PPP1R7: variants seen among roughly 807,000 people sequenced by gnomAD.
The protein encoded by PPP1R7 is protein phosphatase 1 regulatory subunit 7, also known as protein phosphatase 1 regulatory subunit 22.
In PPP1R7, 18 loss-of-function variants were observed where a neutral mutation model predicts 45.2. That is an observed-to-expected ratio of 0.40 (90% CI 0.28 to 0.59). PPP1R7 has a LOEUF of 0.59. PPP1R7 is among the 20% of genes least tolerant of loss of function. PPP1R7 has a pLI of 0.46. For synonymous variants in PPP1R7, 181 were observed against 183.4 expected (o/e 0.99, Z 0.11); for missense variants, 314 against 455.8 (o/e 0.69, Z 2.83).
At position 241,183,515 on chromosome 2, in the gene PPP1R7, G is replaced by T. The variant is rs1249615921; in HGVS notation, c.*692G>T. ...GTGTCCCACACGGTGCTGTGCTGCT[G>T]CCAGAATACGAGTCCCATTGAGCCT... is the stretch of plus-strand genomic sequence containing the variant. On this transcript the variant is annotated 3_prime_UTR_variant, in exon 10 of 10. Coordinates refer to ENST00000234038, the MANE Select transcript of PPP1R7 (RefSeq NM_002712.3). The T allele has an allele frequency of 2.2e-6, 1 of 463,754 alleles. No individual in the cohort carries two copies. Among genetic ancestry groups the T allele is most frequent in the Non-Finnish European group, 4.5e-6 (1 of 224,474 alleles). 28.7% of individuals were successfully genotyped at this position (463,754 alleles called of 1,614,324 possible). A position where few individuals can be genotyped will look rare whatever the true frequency, so the allele number is the denominator to read the frequency against.
chr2:241,172,204 T>G (rs1437981539), intron 9 of PPP1R7, among the ~76,000 whole-genome samples: 2 of 152,100 alleles, frequency 1.3e-5, no homozygotes, highest in African/African-American at 4.8e-5. Context: ...TTATTTGCTA[T>G]ACCTCTGTAT....
intron 8 of PPP1R7, 67 bp from the exon 9 acceptor site, chr2:241,169,714 C>A (rs2067781145): frequency 7.4e-7 from 1 of 1,346,084 alleles, no homozygotes; most frequent in South Asian, 1.2e-5. Flanking sequence ...TTGACACTGC[C>A]TGCGTGGTCA....
In PPP1R7 at chr2:241,166,330, C is replaced by T. The variant is rs538427735; in HGVS notation, c.715-7C>T. Reference sequence around the variant, plus strand: ...GTTCTGACAGCTGTGTGCTCTCCCTCTTGCAGAGCAACCGGCTGACCAAGA... The same window carrying T: ...GTTCTGACAGCTGTGTGCTCTCCCTTTTGCAGAGCAACCGGCTGACCAAGA... On this transcript the variant is annotated splice_polypyrimidine_tract_variant and splice_region_variant and intron_variant, in intron 7 of 9. Transcript: ENST00000234038. 2 of 1,612,158 alleles carry T rather than the reference C, an allele frequency of 1.2e-6. No individual in the cohort carries two copies. The highest frequency in any genetic ancestry group is 4.5e-5 in the East Asian group (2 of 44,870).
rs112009007 is a variant in PPP1R7 at position 241,162,971 on chromosome 2, G to A, written c.598-314G>A. ...CTGGGATTTCCACGCCCGACAGGGG[G>A]ACATTTTAATGTGTCAGCTCACAAA... On this transcript the variant is annotated intron_variant, in intron 6 of 9. Transcript: ENST00000234038. Among the ~76,000 whole-genome samples, 1,173 of 152,280 alleles carry A rather than the reference G, an allele frequency of 7.7e-3. 16 individuals carry two copies. Among genetic ancestry groups the A allele is most frequent in the African/African-American group, 0.026 (1,082 of 41,546 alleles).
At chr2:241,167,160 C>T in intron 8 of PPP1R7, 1 of 1,257,806 alleles carries the variant, frequency 8.0e-7, no homozygotes, top group Non-Finnish European at 1.1e-6. Context: ...AAATAAAAGA[C>T]TTTTTCTCAT....
chr2:241,157,694 G>A, intron 2 of PPP1R7, 113 bp from the exon 3 acceptor site: 2 of 1,021,692 alleles, frequency 2.0e-6, no homozygotes, highest in Non-Finnish European at 3.0e-6. Flanking sequence ...CCTCCTCGGG[G>A]TTTGAGCTGG....
At chr2:241,170,907 G>A (rs2067804278) in intron 9 of PPP1R7, among the ~76,000 whole-genome samples, 1 of 152,156 alleles carries the variant, frequency 6.6e-6, no homozygotes. Context: ...GTCCAGGTGG[G>A]TCTATGTGCA....
intron 9 of PPP1R7, among the ~76,000 whole-genome samples, chr2:241,170,556 CA>C: frequency 6.6e-6 from 1 of 152,228 alleles, no homozygotes; most frequent in African/African-American, 2.4e-5. Flanking sequence ...GAGACTGCGG[CA>C]CAGGTGTCAC....
At chr2:241,163,545 T>C in intron 7 of PPP1R7, 144 bp downstream of exon 7, 2 of 645,496 alleles carry the variant, frequency 3.1e-6, no homozygotes, top group Admixed American at 2.6e-5. Flanking sequence ...TTAGATGCCA[T>C]AGACTTTATA....
At chr2:241,165,557 C>G (rs1368319692) in intron 7 of PPP1R7, among the ~76,000 whole-genome samples, 2 of 152,186 alleles carry the variant, frequency 1.3e-5, no homozygotes, top group Admixed American at 6.5e-5. Context: ...TCCTCTTTTT[C>G]TCTCTACATG....
At chr2:241,150,148 G>A, upstream of PPP1R7, 1 of 1,273,882 alleles carries the variant, frequency 7.9e-7, no homozygotes, top group Non-Finnish European at 9.9e-7. Context: ...AGTGACATAA[G>A]TCAACTCTCA....
At position 241,169,801 on chromosome 2, in the gene PPP1R7, C is replaced by G. The variant is rs772758958; in HGVS notation, c.840C>G (p.Asp280Glu). 6.2e-7 allele frequency: 1 copy of G among 1,611,198 alleles called. No homozygotes were observed. Among genetic ancestry groups the G allele is most frequent in the South Asian group, 1.1e-5 (1 of 91,020 alleles). The change falls in exon 9 of 10, where the codon GAC becomes GAG. Residue 280 changes from aspartate (D) to glutamate (E), a missense_variant. Asp to Glu is a conservative substitution (Grantham distance 45, BLOSUM62 2). This residue lies in a region of PPP1R7 where 168 missense variants were observed against 285.3 expected (regional missense o/e 0.59). Transcript: ENST00000234038. ...TTTAGAACAAACTCACGATGTTGGA[C>G]ATTGCATCAAATAGAATCAAAAAGA... The part of the protein sequence containing the change: ...LENNNKLTML[D>E]IASNRIKKIE...
At chr2:241,156,120 C>T (rs914344969) in intron 2 of PPP1R7, among the ~76,000 whole-genome samples, 2 of 152,092 alleles carry the variant, frequency 1.3e-5, no homozygotes, top group Non-Finnish European at 2.9e-5. Flanking sequence ...AGGAGCCAGG[C>T]TGGAGGAGCC....
rs376130873 is a variant in PPP1R7, at chr2:241,166,199, G to A, written c.715-138G>A. On this transcript the variant is annotated intron_variant, in intron 7 of 9. Transcript: ENST00000234038. ...TTACAGGCATGAGCCACCGCGCCCG[G>A]CCCCATTCTAGCATGTTTTAAGTGA... The A allele has an allele frequency of 1.3e-5, 9 of 689,158 alleles. No individual in the cohort carries two copies. The African/African-American group carries it at 1.6e-4, about 12-fold the overall frequency. 42.7% of individuals were successfully genotyped at this position (689,158 alleles called of 1,614,324 possible). A position where few individuals can be genotyped will look rare whatever the true frequency, so the allele number is the denominator to read the frequency against.
intron 8 of PPP1R7, among the ~76,000 whole-genome samples, chr2:241,169,394 C>G (rs2067776276): frequency 6.6e-6 from 1 of 152,224 alleles, no homozygotes. Flanking sequence ...GTGATGAGCA[C>G]TAAGTAAATG....
chr2:241,151,067 C>T (rs2067279551), intron 1 of PPP1R7, among the ~76,000 whole-genome samples: 1 of 152,130 alleles, frequency 6.6e-6, no homozygotes, highest in Admixed American at 6.5e-5. Context: ...TGTCATAGTT[C>T]CAAAAAGTCT....
At chr2:241,167,711 G>A (rs186502682) in intron 8 of PPP1R7, among the ~76,000 whole-genome samples, 398 of 152,154 alleles carry the variant, frequency 2.6e-3, no homozygotes, top group Non-Finnish European at 4.1e-3. Context: ...TGTGATCTTG[G>A]TTAAACACCA....
At position 241,159,202 on chromosome 2, in the gene PPP1R7, C is replaced by A; in HGVS notation, c.304-11C>A. 5 of 1,612,506 alleles carry A rather than the reference C, an allele frequency of 3.1e-6. No individual in the cohort carries two copies. The highest frequency in any genetic ancestry group is 3.4e-6 in the Non-Finnish European group (4 of 1,179,012). On this transcript the variant is annotated splice_polypyrimidine_tract_variant and intron_variant, in intron 4 of 9. Transcript: ENST00000234038. ...TTGCCTGTGTCAATTGTCCCTTTTC[C>A]CATCCCCCAGACTCTCTGCCTCCGC...
chr2:241,159,469 T>G, intron 5 of PPP1R7, 126 bp downstream of exon 5: 1 of 1,230,050 alleles, frequency 8.1e-7, no homozygotes, highest in Non-Finnish European at 1.1e-6. Context: ...CACAGGGTCC[T>G]GCCCTGCATC....
Sources: allele counts gnomAD v4.1 joint callset (sites outside exome capture counted in the v4.1 genomes callset), GRCh38; gene constraint gnomAD v4.1.1; regional missense constraint gnomAD v4.1.1; transcripts MANE v1.5; gene names NCBI Gene and HGNC (gene_info 2026-07-23, HGNC 2026-07-21).